The following PARP10 variants were observed in gnomAD, a reference collection of about 807,000 sequenced individuals.
The protein encoded by PARP10 is poly(ADP-ribose) polymerase family member 10.
In PARP10, 56 loss-of-function variants were observed where a neutral mutation model predicts 82.4. The ratio of observed to expected loss-of-function variants is 0.68; its 90% CI spans 0.55 to 0.85. The LOEUF is 0.85. Among genes scored for constraint, PARP10 ranks in the 40% least tolerant of loss-of-function variants. The pLI is 0.00. For missense variants in PARP10, 1,227 were observed against 1,379.4 expected, an observed-to-expected ratio of 0.89 and a Z score of 1.75; for synonymous variants, 576 against 601.1, an observed-to-expected ratio of 0.96 and a Z score of 0.61.
chr8:144,010,252 C>G (rs1834265388), intron 1 of PARP10, among the ~76,000 whole-genome samples: 1 of 152,194 alleles, frequency 6.6e-6, no homozygotes, highest in Non-Finnish European at 1.5e-5. Flanking sequence ...TAGCCACTCT[C>G]CACTAGCTGG....
In PARP10 at chr8:143,977,362, C is replaced by T; in HGVS notation, c.*122G>A. 2 of 1,024,396 alleles carry T rather than the reference C, an allele frequency of 2.0e-6. No individual in the cohort carries two copies. Among genetic ancestry groups the T allele is most frequent in the Non-Finnish European group, 2.8e-6 (2 of 725,202 alleles). 63.5% of individuals were successfully genotyped at this position (1,024,396 alleles called of 1,614,324 possible). On this transcript the variant is annotated 3_prime_UTR_variant, in exon 11 of 11. Transcript: ENST00000313028. Reference sequence around the variant, plus strand: ...ATCCCCCACACCGCCTTCTGGAGCCCGCAGAGGGAGGCAGGGGCGTCCCCG... The same window carrying T: ...ATCCCCCACACCGCCTTCTGGAGCCTGCAGAGGGAGGCAGGGGCGTCCCCG...
chr8:143,992,863 C>T (rs1554750830), upstream of PARP10: 2 of 1,609,442 alleles, frequency 1.2e-6, no homozygotes, highest in Non-Finnish European at 1.7e-6. Flanking sequence ...CTCGCTGTGC[C>T]CGCTCAGGTG....
chr8:143,978,328 C>T (rs898281035), intron 9 of PARP10, among the ~76,000 whole-genome samples: 3 of 152,238 alleles, frequency 2.0e-5, no homozygotes, highest in Admixed American at 2.0e-4. Context: ...GGCGGGCAAA[C>T]CCCACCCACT....
upstream of PARP10, chr8:143,986,659 G>T: frequency 1.8e-6 from 1 of 558,592 alleles, no homozygotes; most frequent in South Asian, 2.1e-5. Context: ...TCCAGCCCCT[G>T]GTTGGCAGGG....
At chr8:143,992,921 C>G (rs1834125571), upstream of PARP10, 1 of 1,217,150 alleles carries the variant, frequency 8.2e-7, no homozygotes, top group African/African-American at 1.5e-5. Context: ...GCCAGCTGTA[C>G]TTCCCCTCTC....
rs1256691276 is a variant in PARP10, at chr8:144,011,558, G to C, written c.-80+972C>G. Among the ~76,000 whole-genome samples the C allele has an allele frequency of 6.6e-6, 1 of 152,162 alleles. No individual in the cohort carries two copies. Among genetic ancestry groups the C allele is most frequent in the African/African-American group, 2.4e-5 (1 of 41,424 alleles). Reference sequence around the variant, plus strand: ...GAGAACAGCCACAGAGCCAATGGAGGCCACGAGGACACGGCCTCACTCAGT... The same window carrying C: ...GAGAACAGCCACAGAGCCAATGGAGCCCACGAGGACACGGCCTCACTCAGT... On this transcript the variant is annotated intron_variant, in intron 1 of 3. Coordinates refer to the PARP10 transcript ENST00000530478. The surrounding 1 kb of genome is among the most constrained non-coding windows in gnomAD (Gnocchi z 4.5).
upstream of PARP10, chr8:143,991,741 C>T (rs1834101279): frequency 1.2e-6 from 2 of 1,613,718 alleles, no homozygotes; most frequent in African/African-American, 1.3e-5. Flanking sequence ...CCTACTATGA[C>T]AACCAGGACT....
chr8:143,978,250 C>T (rs1554746910), intron 9 of PARP10, among the ~76,000 whole-genome samples, 169 bp from the exon 10 acceptor site: 1 of 152,204 alleles, frequency 6.6e-6, no homozygotes, highest in Non-Finnish European at 1.5e-5. Context: ...GTAACACCTC[C>T]GTGAAGCAAG....
intron 1 of PARP10, among the ~76,000 whole-genome samples, chr8:144,007,119 C>G (rs752834190): frequency 2.4e-4 from 36 of 152,324 alleles, no homozygotes; most frequent in South Asian, 6.2e-4. Flanking sequence ...CTCCAAAGCC[C>G]GACAAAGCCC....
intron 9 of PARP10, among the ~76,000 whole-genome samples, chr8:143,982,553 G>A (rs972323841): frequency 6.6e-6 from 1 of 152,218 alleles, no homozygotes; most frequent in Non-Finnish European, 1.5e-5. Context: ...GCAGAAGAGC[G>A]CCCAGAACAG....
chr8:143,993,782 C>G (rs1834138049), upstream of PARP10, among the ~76,000 whole-genome samples: 1 of 152,200 alleles, frequency 6.6e-6, no homozygotes. Context: ...CTTGGGCGCT[C>G]CTTGGGCCTC....
chr8:143,978,774 G>T (rs1489770518), intron 9 of PARP10, among the ~76,000 whole-genome samples: 2 of 152,092 alleles, frequency 1.3e-5, no homozygotes, highest in Non-Finnish European at 2.9e-5. Context: ...GGGGCCTGAG[G>T]TCTGAGCCGG....
At chr8:143,982,438 C>G (rs1046167816) in intron 9 of PARP10, among the ~76,000 whole-genome samples, 1 of 152,140 alleles carries the variant, frequency 6.6e-6, no homozygotes, top group Non-Finnish European at 1.5e-5. Context: ...CGTGCCACTG[C>G]ACTCCAGCCC....
Position 143,986,035 on chromosome 8 carries a change from C to A in PARP10, c.181+20G>T, listed in dbSNP as rs1273780467. On this transcript the variant is annotated intron_variant, in intron 2 of 10. Transcript: ENST00000313028. ...AGAATATCAGGGCACCCAGGCTGTC[C>A]CTTCAGCCAGCCCTCTCACCTGCAG... 6.2e-7 allele frequency: 1 copy of A among 1,610,378 alleles called. No homozygotes were observed. The highest frequency in any genetic ancestry group is 8.5e-7 in the Non-Finnish European group (1 of 1,177,200).
At chr8:143,991,253 TG>T, upstream of PARP10, 1 of 1,571,438 alleles carries the variant, frequency 6.4e-7, no homozygotes, top group Admixed American at 1.8e-5. Flanking sequence ...TTTTGGTGTC[TG>T]GGGACAACTA....
At chr8:143,993,055 C>T (rs2133067496), upstream of PARP10, 1 of 557,654 alleles carries the variant, frequency 1.8e-6, no homozygotes, top group Non-Finnish European at 3.2e-6. Context: ...CCTCCCGCCC[C>T]CGCCAAGGGG....
chr8:144,008,733 A>G lies in PARP10; in HGVS notation c.-80+3797T>C, dbSNP rs1834251548. ...TCACTCCCCAGACTCTAGCCCCCAG[A>G]CATGTCATCCAAATGGATGTGGATA... On this transcript the variant is annotated intron_variant, in intron 1 of 3. Transcript: ENST00000530478. The surrounding 1 kb of genome is among the most constrained non-coding windows in gnomAD (Gnocchi z 4.0). Among the ~76,000 whole-genome samples the G allele has an allele frequency of 6.6e-6, 1 of 152,214 alleles. No homozygotes were observed.
upstream of PARP10, chr8:143,992,206 G>T (rs1834110855): frequency 6.2e-7 from 1 of 1,602,104 alleles, no homozygotes; most frequent in South Asian, 1.1e-5. Context: ...GTGGCATGGG[G>T]GCACACACCC....
Position 144,011,584 on chromosome 8 carries a change from A to C in PARP10, c.-80+946T>G, listed in dbSNP as rs2133087946. On this transcript the variant is annotated intron_variant, in intron 1 of 3. Transcript: ENST00000530478. This position sits in a 1 kb window ranked among gnomAD's most constrained non-coding sequence, Gnocchi z 4.5. ...CCACGAGGACACGGCCTCACTCAGT[A>C]CTCAAGGTCAGTACCATAGAGTTAT... 6.6e-6 allele frequency among the ~76,000 whole-genome samples: 1 copy of C among 152,308 alleles called. No homozygotes were observed. Among genetic ancestry groups the C allele is most frequent in the Admixed American group, 6.5e-5 (1 of 15,300 alleles).
Sources: gnomAD v4.1 joint callset for allele counts (sites outside exome capture counted in the v4.1 genomes callset) on GRCh38, gnomAD v4.1.1 for gene constraint, Gnocchi (gnomAD v3.1) non-coding constraint, MANE v1.5 for transcripts, NCBI Gene and HGNC (gene_info 2026-07-23, HGNC 2026-07-21) for gene names.